Variants in ZFHX3 observed in about 807,000 individuals in gnomAD.
ZFHX3 encodes zinc finger homeobox protein 3.
ZFHX3 carries 42 observed loss-of-function variants against 279.1 expected under a neutral mutation model. The ratio of observed to expected loss-of-function variants is 0.15; its 90% CI spans 0.12 to 0.19. The LOEUF is 0.19. Ranked by LOEUF, ZFHX3 falls within the 10% of genes least tolerant of loss-of-function variation. The pLI is 1.00. For synonymous variants in ZFHX3, 2,293 were observed against 1,957.8 expected, an observed-to-expected ratio of 1.17 and a Z score of -4.52; for missense variants, 4,981 against 4,754.0, an observed-to-expected ratio of 1.05 and a Z score of -1.40.
Position 72,787,026 on chromosome 16 carries a change from T to G in ZFHX3, c.*138A>C. 7 of 1,023,626 alleles carry G rather than the reference T, an allele frequency of 6.8e-6. No individual in the cohort carries two copies. The highest frequency in any genetic ancestry group is 3.5e-5 in the East Asian group (1 of 28,332). The allele number at this position is 1,023,626 out of a possible 1,614,324, so 63.4% of individuals were successfully genotyped here. On this transcript the variant is annotated 3_prime_UTR_variant, in exon 10 of 10. Coordinates refer to ENST00000268489, the MANE Select transcript of ZFHX3 (RefSeq NM_006885.4). Reference sequence around the variant, plus strand: ...GGTATATGGGAAAACAACCCACGCTTTTTCTTTTTTTTCTTTTTTTTTTTT... The same window carrying G: ...GGTATATGGGAAAACAACCCACGCTGTTTCTTTTTTTTCTTTTTTTTTTTT...
chr16:73,772,894 G>T (rs983620020), intron 1 of ZFHX3, among the ~76,000 whole-genome samples: 6 of 152,160 alleles, frequency 3.9e-5, no homozygotes, highest in Non-Finnish European at 5.9e-5. Flanking sequence ...TGAAAGACAT[G>T]ACTCATTTCC....
intron 2 of ZFHX3, among the ~76,000 whole-genome samples, chr16:73,533,479 C>T (rs944899223): frequency 7.3e-5 from 11 of 151,114 alleles, no homozygotes; most frequent in Non-Finnish European, 1.0e-4. Flanking sequence ...CTCTCTCCTA[C>T]GGGTCATTAT....
intron 2 of ZFHX3, among the ~76,000 whole-genome samples, chr16:73,668,391 G>T (rs1423972579): frequency 2.6e-5 from 4 of 151,990 alleles, no homozygotes; most frequent in Non-Finnish European, 4.4e-5. Flanking sequence ...GGGCCATGGT[G>T]GTTGGTTGCA....
At chr16:73,461,901 CA>C (rs1182136649) in intron 2 of ZFHX3, among the ~76,000 whole-genome samples, 4 of 152,132 alleles carry the variant, frequency 2.6e-5, no homozygotes, top group African/African-American at 7.2e-5. Context: ...TCCTATATTA[CA>C]AAAACTTGCT....
intron 1 of ZFHX3, among the ~76,000 whole-genome samples, chr16:73,885,118 G>A (rs1347069344): frequency 6.6e-6 from 1 of 152,002 alleles, no homozygotes; most frequent in South Asian, 2.1e-4. Flanking sequence ...TCTGGAAAGA[G>A]TTTGGGGTGG....
intron 1 of ZFHX3, among the ~76,000 whole-genome samples, chr16:73,794,589 A>T (rs948597979): frequency 6.6e-6 from 1 of 151,656 alleles, no homozygotes; most frequent in South Asian, 2.1e-4. Context: ...GGACATAGGG[A>T]CCCCCCCTTT....
rs746022690 is a variant in ZFHX3 at position 72,958,153 on chromosome 16, G to A, written c.1993C>T (p.Arg665Cys). ...LGGHMTMMHSRNSCKTLKCPK... is the reference protein window; with the variant it reads ...LGGHMTMMHSCNSCKTLKCPK... ...CACTTGAGTGTCTTACACGAGTTAC[G>A]AGAATGCATCATGGTCATGTGGCCG... Residue 665 changes from arginine (R) to cysteine (C), a missense_variant, in exon 2 of 10, where the codon CGT becomes TGT. This residue lies in a region of ZFHX3 where 1,068 missense variants were observed against 935.2 expected (regional missense o/e 1.14). Coordinates refer to ENST00000268489, the MANE Select transcript of ZFHX3 (RefSeq NM_006885.4). 1.9e-6 allele frequency: 3 copies of A among 1,614,116 alleles called. No homozygotes were observed. Among genetic ancestry groups the A allele is most frequent in the Non-Finnish European group, 2.5e-6 (3 of 1,179,980 alleles).
intron 3 of ZFHX3, among the ~76,000 whole-genome samples, chr16:73,428,448 C>G (rs1177479238): frequency 1.3e-5 from 2 of 152,112 alleles, no homozygotes; most frequent in Admixed American, 1.3e-4. Context: ...AAACACCTCC[C>G]CGCGCTCCCT....
chr16:73,572,045 GT>G (rs971180401), intron 2 of ZFHX3, among the ~76,000 whole-genome samples: 16 of 151,502 alleles, frequency 1.1e-4, no homozygotes, highest in Non-Finnish European at 2.4e-4. Flanking sequence ...CAGAACAGGA[GT>G]TTTAACACAA....
In ZFHX3 at chr16:73,716,135, C is replaced by G. The variant is rs182144125; in HGVS notation, c.-1607-35895G>C. 1.3e-3 allele frequency among the ~76,000 whole-genome samples: 200 copies of G among 152,106 alleles called. 1 individual carries two copies. The highest frequency in any genetic ancestry group is 4.4e-3 in the African/African-American group (184 of 41,464). On this transcript the variant is annotated intron_variant, in intron 1 of 17. Coordinates refer to the ZFHX3 transcript ENST00000641206. Reference sequence around the variant, plus strand: ...AGAAAAAAAGTAAATATAGCCATGGCCCACAAGAACCATCATTATGGAAAT... The same window carrying G: ...AGAAAAAAAGTAAATATAGCCATGGGCCACAAGAACCATCATTATGGAAAT...
intron 5 of ZFHX3, among the ~76,000 whole-genome samples, chr16:73,174,445 T>C (rs917354030): frequency 6.6e-6 from 1 of 152,196 alleles, no homozygotes; most frequent in African/African-American, 2.4e-5. Flanking sequence ...CGACTCTCTC[T>C]CTTCCCTGTC....
chr16:73,114,886 G>A (rs1966413874), intron 7 of ZFHX3, among the ~76,000 whole-genome samples: 1 of 151,982 alleles, frequency 6.6e-6, no homozygotes, highest in Non-Finnish European at 1.5e-5. Flanking sequence ...TCATACTACT[G>A]GGCTCAAGAA....
chr16:73,714,620 C>T (rs2053396626), intron 1 of ZFHX3, among the ~76,000 whole-genome samples: 1 of 152,216 alleles, frequency 6.6e-6, no homozygotes, highest in Admixed American at 6.5e-5. Flanking sequence ...TGTGTGTTAA[C>T]ATTTCAACAT....
At chr16:72,953,340 G>A (rs749591434) in intron 2 of ZFHX3, among the ~76,000 whole-genome samples, 43 of 151,854 alleles carry the variant, frequency 2.8e-4, no homozygotes, top group Non-Finnish European at 5.3e-4. Flanking sequence ...TAACGGGGAC[G>A]AAGGCCAGGC....
chr16:73,730,886 T>C (rs2053564618), intron 1 of ZFHX3, among the ~76,000 whole-genome samples: 1 of 152,134 alleles, frequency 6.6e-6, no homozygotes, highest in African/African-American at 2.4e-5. Context: ...GACCCTGGGC[T>C]CTCTCCGTAG....
chr16:72,933,717 T>C (rs79425166), intron 3 of ZFHX3, among the ~76,000 whole-genome samples: 6,198 of 152,112 alleles, frequency 0.041, 301 homozygotes, highest in African/African-American at 0.1. Flanking sequence ...TTTATTATTT[T>C]AATAGATCAC....
At chr16:73,765,221 C>T (rs995757241) in intron 1 of ZFHX3, among the ~76,000 whole-genome samples, 1 of 152,104 alleles carries the variant, frequency 6.6e-6, no homozygotes, top group Non-Finnish European at 1.5e-5. Flanking sequence ...CAACCGAAGT[C>T]ACTACCTAAG....
intron 2 of ZFHX3, among the ~76,000 whole-genome samples, chr16:73,616,259 T>A (rs1405118945): frequency 6.6e-6 from 1 of 151,346 alleles, no homozygotes; most frequent in African/African-American, 2.4e-5. Context: ...TGGGTAACAA[T>A]GTGCTTTTAC....
At chr16:73,483,373 C>T (rs1360206851) in intron 2 of ZFHX3, 1 of 449,066 alleles carries the variant, frequency 2.2e-6, no homozygotes, top group South Asian at 1.6e-5. Context: ...GAGAGAGTTC[C>T]TCAAGAGAGC....
Sources: allele counts gnomAD v4.1 joint callset (sites outside exome capture counted in the v4.1 genomes callset), GRCh38; gene constraint gnomAD v4.1.1; regional missense constraint gnomAD v4.1.1; transcripts MANE v1.5; gene names NCBI Gene and HGNC (gene_info 2026-07-23, HGNC 2026-07-21).